SCN10A: variants seen among roughly 807,000 people sequenced by gnomAD.
SCN10A encodes sodium channel protein type 10 subunit alpha.
SCN10A carries 162 observed loss-of-function variants against 170.7 expected under a neutral mutation model. That is an observed-to-expected ratio of 0.95 (90% CI 0.84 to 1.08). The LOEUF (loss-of-function observed/expected upper bound fraction) is 1.08, where lower values mean the gene tolerates loss of function less well. Ranked by LOEUF, SCN10A falls within the 50% of genes least tolerant of loss-of-function variation. The pLI, the probability that SCN10A is intolerant of heterozygous loss-of-function variation, is 0.00. For synonymous variants in SCN10A, 985 were observed against 904.6 expected (o/e 1.09, Z -1.59); for missense variants, 2,527 against 2,436.9 (o/e 1.04, Z -0.78).
intron 16 of SCN10A, among the ~76,000 whole-genome samples, chr3:38,727,916 C>T (rs2063474507): frequency 6.6e-6 from 1 of 152,152 alleles, no homozygotes; most frequent in Non-Finnish European, 1.5e-5. Context: ...TTCCTCCAAA[C>T]ATGGAGTAGA....
intron 4 of SCN10A, among the ~76,000 whole-genome samples, chr3:38,788,364 T>C (rs1383059469): frequency 1.3e-5 from 2 of 152,134 alleles, no homozygotes; most frequent in Admixed American, 6.5e-5. Flanking sequence ...TCTGAAACTA[T>C]AGGGGTTTCA....
chr3:38,701,908 A>G lies in SCN10A; in HGVS notation c.4588T>C (p.Leu1530=). 1 of 1,614,188 alleles carries G rather than the reference A, an allele frequency of 6.2e-7. No homozygotes were observed. Among genetic ancestry groups the G allele is most frequent in the Non-Finnish European group, 8.5e-7 (1 of 1,180,012 alleles). Residue 1530 remains leucine (L), a synonymous_variant, in exon 27 of 28, where the codon TTG becomes CTG. Coordinates refer to ENST00000449082, the MANE Select transcript of SCN10A (RefSeq NM_006514.4). ...CCATTTGTGAAGTAGTACTGCCTCA[A>G]AGCGAACATCTTCATGACACATTCG... ...TGECVMKMFA[L]RQYYFTNGWN...
chr3:38,787,329 T>C (rs562153386), intron 4 of SCN10A, among the ~76,000 whole-genome samples: 1 of 152,322 alleles, frequency 6.6e-6, no homozygotes, highest in East Asian at 1.9e-4. Context: ...TTGTTGCTAG[T>C]GTCTATACAC....
chr3:38,770,364 C>T (rs933474461), intron 5 of SCN10A, among the ~76,000 whole-genome samples: 8 of 152,052 alleles, frequency 5.3e-5, no homozygotes, highest in Admixed American at 3.9e-4. Flanking sequence ...TAGGGAAATA[C>T]CATCAGGTGG....
chr3:38,721,837 T>C (rs952710785), intron 20 of SCN10A, among the ~76,000 whole-genome samples: 1 of 152,224 alleles, frequency 6.6e-6, no homozygotes, highest in Non-Finnish European at 1.5e-5. Flanking sequence ...TAGTCCTTTT[T>C]GTATTGTAGG....
At chr3:38,746,988 C>T (rs1021916919) in intron 13 of SCN10A, among the ~76,000 whole-genome samples, 1 of 152,096 alleles carries the variant, frequency 6.6e-6, no homozygotes, top group African/African-American at 2.4e-5. Flanking sequence ...AAAGAGGTGG[C>T]CTTTATAAAT....
intron 21 of SCN10A, among the ~76,000 whole-genome samples, chr3:38,714,653 A>G (rs2063312183): frequency 6.6e-6 from 1 of 152,216 alleles, no homozygotes; most frequent in African/African-American, 2.4e-5. Flanking sequence ...AGTCAGACTA[A>G]GAGAATTCCA....
chr3:38,697,672 G>C lies in SCN10A; in HGVS notation c.5548C>G (p.Gln1850Glu), dbSNP rs149504103. 11 of 1,614,164 alleles carry C rather than the reference G, an allele frequency of 6.8e-6. No individual in the cohort carries two copies. Among genetic ancestry groups the C allele is most frequent in the Non-Finnish European group, 9.3e-6 (11 of 1,180,036 alleles). Reference protein sequence around the residue: ...EPIATTLRWKQEDISATVIQK... With the variant: ...EPIATTLRWKEEDISATVIQK... The stretch of plus-strand genomic sequence containing the variant: ...ATGACAGTGGCTGAAATGTCTTCTT[G>C]CTTCCATCGGAGAGTGGTTGCTATT... The change falls in exon 28 of 28, where the codon CAA becomes GAA. Residue 1850 changes from glutamine (Q) to glutamate (E), a missense_variant. By Grantham distance (29) the Gln-to-Glu change is conservative (BLOSUM62 2). Coordinates refer to ENST00000449082, the MANE Select transcript of SCN10A (RefSeq NM_006514.4).
At chr3:38,808,712 C>A (rs752622013) in intron 1 of SCN10A, among the ~76,000 whole-genome samples, 1 of 152,146 alleles carries the variant, frequency 6.6e-6, no homozygotes, top group Non-Finnish European at 1.5e-5. Flanking sequence ...AGAGATTGTT[C>A]CCATGCCCCA....
chr3:38,745,927 T>G (rs976334872), intron 13 of SCN10A, among the ~76,000 whole-genome samples: 6 of 151,666 alleles, frequency 4.0e-5, no homozygotes, highest in African/African-American at 7.3e-5. Context: ...TTGTTAGAAC[T>G]GTGTCTGAGG....
chr3:38,811,901 C>G (rs1018179058), intron 1 of SCN10A, among the ~76,000 whole-genome samples: 2 of 152,186 alleles, frequency 1.3e-5, no homozygotes, highest in African/African-American at 4.8e-5. Context: ...TCTGACCAGT[C>G]CCTGGCCAGC....
intron 14 of SCN10A, among the ~76,000 whole-genome samples, chr3:38,741,247 T>C (rs2063628208): frequency 6.6e-6 from 1 of 152,006 alleles, no homozygotes; most frequent in Non-Finnish European, 1.5e-5. Context: ...GGCAGGATGC[T>C]GACCCTTTCT....
At chr3:38,747,344 G>C (rs1425715990) in intron 13 of SCN10A, among the ~76,000 whole-genome samples, 1 of 152,078 alleles carries the variant, frequency 6.6e-6, no homozygotes, top group Non-Finnish European at 1.5e-5. Flanking sequence ...TTGTCTTCTG[G>C]GTAATGGAGG....
At chr3:38,748,455 T>C (rs956642013) in intron 13 of SCN10A, among the ~76,000 whole-genome samples, 7 of 152,222 alleles carry the variant, frequency 4.6e-5, no homozygotes, top group Non-Finnish European at 8.8e-5. Context: ...GGGAACTGTC[T>C]CTTGTTAAGT....
At position 38,728,799 on chromosome 3, in the gene SCN10A, C is replaced by T. The variant is rs1157423409; in HGVS notation, c.2383G>A (p.Ala795Thr). The part of the protein sequence containing the change: ...GALGNLTIIL[A>T]IIVFVFALVG... ...AGAGCAAAGACAAAGACAATGATGG[C>T]CAGGATGATGGTGAGGTTCCCCAGT... The change falls in exon 16 of 28, where the codon GCC (alanine) becomes ACC (threonine). Residue 795 changes from alanine to threonine, a missense_variant. Ala to Thr is a moderately conservative substitution (Grantham distance 58). Transcript: ENST00000449082. The T allele has an allele frequency of 6.2e-7, 1 of 1,614,108 alleles. No homozygotes were observed. The highest frequency in any genetic ancestry group is 1.1e-5 in the South Asian group (1 of 91,068).
intron 13 of SCN10A, among the ~76,000 whole-genome samples, chr3:38,746,858 T>C (rs1207129550): frequency 1.3e-5 from 2 of 152,196 alleles, no homozygotes; most frequent in African/African-American, 4.8e-5. Flanking sequence ...GAATTCTGGC[T>C]TGGACAACAG....
intron 26 of SCN10A, 33 bp downstream of exon 26, chr3:38,707,246 C>G (rs775728693): frequency 3.1e-6 from 5 of 1,606,222 alleles, no homozygotes; most frequent in Non-Finnish European, 3.4e-6. Context: ...GATTCACAGA[C>G]AGGCTGTGCT....
intron 25 of SCN10A, 92 bp from the exon 26 acceptor site, chr3:38,707,475 C>T (rs566023334): frequency 1.2e-4 from 156 of 1,286,184 alleles, no homozygotes; most frequent in Non-Finnish European, 1.6e-4. Flanking sequence ...TCATATCAAC[C>T]TTCTCCCCTC....
chr3:38,763,693 A>C, intron 5 of SCN10A, 97 bp from the exon 6 acceptor site: 1 of 844,026 alleles, frequency 1.2e-6, no homozygotes, highest in South Asian at 1.4e-5. Flanking sequence ...TTAGCCTAGA[A>C]AGGATGCAGA....
Sources: gnomAD v4.1 joint callset for allele counts (sites outside exome capture counted in the v4.1 genomes callset) on GRCh38, gnomAD v4.1.1 for gene constraint, MANE v1.5 for transcripts, NCBI Gene and HGNC (gene_info 2026-07-23, HGNC 2026-07-21) for gene names.